The following AIMP1 variants were observed in gnomAD, a reference collection of about 807,000 sequenced individuals.
The protein encoded by AIMP1 is aminoacyl tRNA synthetase complex interacting multifunctional protein 1.
A neutral mutation model predicts 33.1 loss-of-function variants in AIMP1; 24 were observed. The observed-to-expected ratio is 0.73, with a 90% CI of 0.53 to 1.02. The LOEUF (loss-of-function observed/expected upper bound fraction) is 1.02, where lower values mean the gene tolerates loss of function less well. Among genes scored for constraint, AIMP1 ranks in the 50% least tolerant of loss-of-function variants. The probability of loss-of-function intolerance (pLI) is 0.00; values close to 1 mark genes in which losing one functional copy is unlikely to be tolerated. For synonymous variants in AIMP1, 120 were observed against 121.5 expected (o/e 0.99, Z 0.08); for missense variants, 367 against 364.8 (o/e 1.01, Z -0.05).
intron 6 of AIMP1, among the ~76,000 whole-genome samples, chr4:106,337,440 G>A (rs1034065610): frequency 1.3e-5 from 2 of 152,106 alleles, no homozygotes; most frequent in African/African-American, 4.8e-5. Context: ...TAAAAGGGCA[G>A]TTCCCCTACG....
intron 5 of AIMP1, among the ~76,000 whole-genome samples, chr4:106,334,156 G>T (rs1395585320): frequency 6.6e-6 from 1 of 152,188 alleles, no homozygotes; most frequent in African/African-American, 2.4e-5. Flanking sequence ...TTGTGAACTT[G>T]AACAAATCCC....
rs1770395363 is a variant in AIMP1, at chr4:106,348,887, A to G, written c.*1195A>G. On this transcript the variant is annotated 3_prime_UTR_variant, in exon 7 of 7. Transcript: ENST00000672341. ...GAAGTATAGACATTGTTTTAAAAAT[A>G]CACACATGCACACACACACAAAACA... is the stretch of plus-strand genomic sequence containing the variant. 1 of 152,150 alleles carries G rather than the reference A, an allele frequency of 6.6e-6. No individual in the cohort carries two copies. Among genetic ancestry groups the G allele is most frequent in the Non-Finnish European group, 1.5e-5 (1 of 68,026 alleles). The allele number at this position is 152,150 out of a possible 1,614,324, so 9.4% of individuals were successfully genotyped here.
intron 1 of AIMP1, among the ~76,000 whole-genome samples, chr4:106,319,642 G>C (rs1221880398): frequency 6.6e-6 from 1 of 152,140 alleles, no homozygotes; most frequent in Non-Finnish European, 1.5e-5. Context: ...TTGGTCTACA[G>C]TTTTCTGTGC....
intron 1 of AIMP1, among the ~76,000 whole-genome samples, chr4:106,318,618 T>A (rs111938362): frequency 6.6e-6 from 1 of 152,204 alleles, no homozygotes; most frequent in African/African-American, 2.4e-5. Flanking sequence ...GTTGTTGACA[T>A]CTTTAAATCA....
chr4:106,338,623 G>C (rs890767017), intron 6 of AIMP1, among the ~76,000 whole-genome samples: 2 of 152,180 alleles, frequency 1.3e-5, no homozygotes, highest in South Asian at 2.1e-4. Context: ...TTTGCTCTAG[G>C]GGCAGGGCCG....
At chr4:106,343,068 A>G (rs1770159934) in intron 6 of AIMP1, among the ~76,000 whole-genome samples, 2 of 151,802 alleles carry the variant, frequency 1.3e-5, no homozygotes, top group Non-Finnish European at 1.5e-5. Context: ...CCACACCAGG[A>G]CTTTTTTTAA....
chr4:106,336,776 A>G, intron 5 of AIMP1, 93 bp from the exon 6 acceptor site: 1 of 1,185,488 alleles, frequency 8.4e-7, no homozygotes, highest in Non-Finnish European at 1.3e-6. Context: ...AGAACATTTG[A>G]TACTTAGCAT....
At chr4:106,346,739 C>T (rs1465459272) in intron 6 of AIMP1, among the ~76,000 whole-genome samples, 1 of 152,172 alleles carries the variant, frequency 6.6e-6, no homozygotes, top group Non-Finnish European at 1.5e-5. Context: ...GCATAAGCTG[C>T]TTCTGCCAGT....
upstream of AIMP1, chr4:106,316,479 C>T: frequency 2.0e-6 from 3 of 1,478,550 alleles, no homozygotes; most frequent in Non-Finnish European, 2.8e-6. Flanking sequence ...GTAGAACACT[C>T]AGGCTTTCAG....
At chr4:106,347,359 A>G (rs1241315738) in intron 6 of AIMP1, among the ~76,000 whole-genome samples, 167 bp from the exon 7 acceptor site, 1 of 152,206 alleles carries the variant, frequency 6.6e-6, no homozygotes, top group Admixed American at 6.5e-5. Flanking sequence ...AATCAAGAAT[A>G]TAAACTGCTG....
intron 4 of AIMP1, among the ~76,000 whole-genome samples, chr4:106,330,109 T>C (rs1213283574): frequency 6.6e-6 from 1 of 152,112 alleles, no homozygotes; most frequent in Non-Finnish European, 1.5e-5. Flanking sequence ...TAATTGAGCG[T>C]CACTCATTTG....
At position 106,328,141 on chromosome 4, in the gene AIMP1, A is replaced by T; in HGVS notation, c.289A>T (p.Ile97Leu). 6.2e-7 allele frequency: 1 copy of T among 1,613,618 alleles called. No homozygotes were observed. ...TAATTCTATGGTTTCTGAAAATGTG[A>T]TACAGTCTACAGCAGTAACAACCGT... is the stretch of plus-strand genomic sequence containing the variant. ...HANSMVSENVIQSTAVTTVSS... is the reference protein window; with the variant it reads ...HANSMVSENVLQSTAVTTVSS... The change falls in exon 4 of 7, where the codon ATA becomes TTA. Residue 97 changes from isoleucine to leucine, a missense_variant. Coordinates refer to ENST00000672341, the MANE Select transcript of AIMP1 (RefSeq NM_001142416.2).
intron 5 of AIMP1, among the ~76,000 whole-genome samples, chr4:106,332,570 G>A (rs1330702798): frequency 1.3e-5 from 2 of 149,836 alleles, no homozygotes; most frequent in South Asian, 4.2e-4. Context: ...TACAGATGAC[G>A]TTTAGGAAAG....
At chr4:106,328,822 G>T (rs757217393) in intron 4 of AIMP1, among the ~76,000 whole-genome samples, 1 of 152,082 alleles carries the variant, frequency 6.6e-6, no homozygotes, top group Non-Finnish European at 1.5e-5. Flanking sequence ...ATAGACCCCA[G>T]CTCTGCTCTT....
intron 4 of AIMP1, among the ~76,000 whole-genome samples, chr4:106,329,838 T>G (rs2125923152): frequency 7.8e-6 from 1 of 128,138 alleles, no homozygotes; most frequent in East Asian, 2.7e-4. Flanking sequence ...CAGGCTGGAA[T>G]ACAGTGGCAT....
chr4:106,332,515 T>C lies in AIMP1; in HGVS notation c.603+632T>C, dbSNP rs562578499. Among the ~76,000 whole-genome samples the C allele has an allele frequency of 4.6e-5, 7 of 151,494 alleles. No individual in the cohort carries two copies. In the South Asian group the frequency reaches 1.5e-3, roughly 31 times the overall value. ...TAAATTTTTTTCACATGCTATTTTA[T>C]TTCTTACTATATACAACTGTCAGTT... On this transcript the variant is annotated intron_variant, in intron 5 of 6. Coordinates refer to ENST00000672341, the MANE Select transcript of AIMP1 (RefSeq NM_001142416.2).
At position 106,348,924 on chromosome 4, in the gene AIMP1, T is replaced by C. The variant is rs1044684026; in HGVS notation, c.*1232T>C. ...ACACACACAAAACATTTTAGCATTA[T>C]AGCTGTCTGAATCCTTCAATAAGAA... On this transcript the variant is annotated 3_prime_UTR_variant, in exon 7 of 7. Coordinates refer to ENST00000672341, the MANE Select transcript of AIMP1 (RefSeq NM_001142416.2). The C allele has an allele frequency of 2.0e-5, 3 of 152,066 alleles. No homozygotes were observed. The highest frequency in any genetic ancestry group is 7.2e-5 in the African/African-American group (3 of 41,410). The allele number at this position is 152,066 out of a possible 1,614,324, so 9.4% of individuals were successfully genotyped here. A position where few individuals can be genotyped will look rare whatever the true frequency, so the allele number is the denominator to read the frequency against.
chr4:106,329,501 G>A (rs6819224), intron 4 of AIMP1, among the ~76,000 whole-genome samples: 25,512 of 152,096 alleles, frequency 0.17, 2,184 homozygotes, highest in South Asian at 0.25. Context: ...GATAATGGAA[G>A]TACTCTATAT....
At chr4:106,339,346 G>A (rs762644339) in intron 6 of AIMP1, among the ~76,000 whole-genome samples, 32 of 152,170 alleles carry the variant, frequency 2.1e-4, no homozygotes, top group African/African-American at 5.3e-4. Context: ...TTCACCTGTC[G>A]TGGGAGGGAC....
Sources: gnomAD v4.1 joint callset for allele counts (sites outside exome capture counted in the v4.1 genomes callset) on GRCh38, gnomAD v4.1.1 for gene constraint, MANE v1.5 for transcripts, NCBI Gene and HGNC (gene_info 2026-07-23, HGNC 2026-07-21) for gene names.